Variants in HEATR4 observed in about 807,000 individuals in gnomAD.
HEATR4 encodes the protein HEAT repeat-containing protein 4.
In HEATR4, 95 loss-of-function variants were observed where a neutral mutation model predicts 108.8. That is an observed-to-expected ratio of 0.87 (90% CI 0.74 to 1.04). The LOEUF (loss-of-function observed/expected upper bound fraction) is 1.04, where lower values mean the gene tolerates loss of function less well. Among genes scored for constraint, HEATR4 ranks in the 50% least tolerant of loss-of-function variants. HEATR4 has a pLI of 0.00. For missense variants in HEATR4, 1,152 were observed against 1,253.8 expected, an observed-to-expected ratio of 0.92 and a Z score of 1.23; for synonymous variants, 443 against 459.4, an observed-to-expected ratio of 0.96 and a Z score of 0.46.
At chr14:73,493,175 T>C (rs1885899120) in intron 16 of HEATR4, 51 bp from the exon 17 acceptor site, 1 of 1,481,994 alleles carries the variant, frequency 6.7e-7, no homozygotes, top group Middle Eastern at 1.7e-4. Flanking sequence ...AAACCCTTGA[T>C]CCGTGATCAT....
At chr14:73,573,374 T>C in the HEATR4 span, 10 of 1,613,496 alleles carry the variant, frequency 6.2e-6, no homozygotes, top group Admixed American at 1.7e-4. Context: ...CATTTTGTTT[T>C]GTTTCTTCCC....
chr14:73,599,209 G>A, the HEATR4 span, among the ~76,000 whole-genome samples: 1 of 151,970 alleles, frequency 6.6e-6, no homozygotes, highest in Admixed American at 6.6e-5. Flanking sequence ...TTTAAATCTC[G>A]GTGGAGACTT....
the HEATR4 span, among the ~76,000 whole-genome samples, chr14:73,615,522 G>C: frequency 6.6e-6 from 1 of 151,638 alleles, no homozygotes; most frequent in South Asian, 2.1e-4. Flanking sequence ...TCTGAGGTCA[G>C]GAGTTTGAGA....
At chr14:73,588,677 G>T in the HEATR4 span, among the ~76,000 whole-genome samples, 18 of 152,266 alleles carry the variant, frequency 1.2e-4, no homozygotes, top group Admixed American at 4.6e-4. Flanking sequence ...TGTTATTAAT[G>T]GCAGAGAAGA....
At chr14:73,532,214 A>G (rs560298359) in intron 1 of HEATR4, among the ~76,000 whole-genome samples, 1 of 114,576 alleles carries the variant, frequency 8.7e-6, no homozygotes, top group Non-Finnish European at 1.9e-5. Flanking sequence ...TGACTTTTCC[A>G]TTCCCCTTTC....
the HEATR4 span, chr14:73,573,332 C>A: frequency 6.2e-7 from 1 of 1,610,140 alleles, no homozygotes; most frequent in Non-Finnish European, 8.5e-7. Context: ...TAACTTAAAC[C>A]ATCCAACTGT....
At chr14:73,506,353 G>A in intron 10 of HEATR4, 114 bp downstream of exon 10, 5 of 702,154 alleles carry the variant, frequency 7.1e-6, no homozygotes, top group South Asian at 1.7e-5. Context: ...AGTGATGTGG[G>A]AACAGAGATC....
chr14:73,518,468 G>A (rs574858832), intron 5 of HEATR4, among the ~76,000 whole-genome samples: 6 of 152,192 alleles, frequency 3.9e-5, no homozygotes, highest in Admixed American at 3.3e-4. Context: ...ACACCACTGG[G>A]CCCATCTGAA....
intron 6 of HEATR4, 90 bp downstream of exon 6, chr14:73,513,941 G>A: frequency 1.5e-6 from 2 of 1,311,678 alleles, no homozygotes; most frequent in South Asian, 2.4e-5. Context: ...ACAAAGGAGG[G>A]ATGGATTTTT....
the HEATR4 span, chr14:73,569,778 C>G: frequency 1.9e-6 from 3 of 1,606,176 alleles, no homozygotes; most frequent in Middle Eastern, 1.9e-4. Context: ...CGACCCCGGG[C>G]GGCTGCTGTG....
chr14:73,589,672 G>A, the HEATR4 span, among the ~76,000 whole-genome samples: 9 of 152,270 alleles, frequency 5.9e-5, no homozygotes, highest in East Asian at 1.9e-4. Context: ...TGTATGGCCA[G>A]GCACGGCAGG....
the HEATR4 span, among the ~76,000 whole-genome samples, chr14:73,633,447 C>T: frequency 0.24 from 36,121 of 152,120 alleles, 5,242 homozygotes; most frequent in Non-Finnish European, 0.33. Context: ...ATTATCAATC[C>T]CTACTATTTT....
At chr14:73,591,810 T>G in the HEATR4 span, 2 of 697,170 alleles carry the variant, frequency 2.9e-6, no homozygotes, top group Non-Finnish European at 4.1e-6. Context: ...TTAACCGGTC[T>G]GAAGTCCCAG....
the HEATR4 span, chr14:73,592,387 G>A: frequency 1.3e-6 from 2 of 1,551,922 alleles, no homozygotes; most frequent in African/African-American, 1.4e-5. Context: ...CGAGCGGGCC[G>A]GGTGCGCGCC....
the HEATR4 span, among the ~76,000 whole-genome samples, chr14:73,628,776 C>T: frequency 6.7e-6 from 1 of 150,244 alleles, no homozygotes; most frequent in African/African-American, 2.4e-5. Context: ...AAATTTGCCA[C>T]AGCAGTGGCT....
At chr14:73,509,593 G>A in intron 7 of HEATR4, 120 bp from the exon 8 acceptor site, 1 of 938,486 alleles carries the variant, frequency 1.1e-6, no homozygotes, top group Non-Finnish European at 1.6e-6. Flanking sequence ...TTAGTGCTAT[G>A]TAATATAATT....
chr14:73,566,472 C>T, the HEATR4 span, among the ~76,000 whole-genome samples: 7 of 152,180 alleles, frequency 4.6e-5, no homozygotes, highest in Non-Finnish European at 8.8e-5. Flanking sequence ...GTCCTAAGCC[C>T]TTTCCCGTGG....
At chr14:73,575,430 C>T in the HEATR4 span, 14 of 1,370,522 alleles carry the variant, frequency 1.0e-5, no homozygotes, top group East Asian at 3.4e-4. Flanking sequence ...TGCCATGGCT[C>T]AGGTGGATGC....
chr14:73,525,971 A>C (rs1467897891), intron 2 of HEATR4, among the ~76,000 whole-genome samples: 2 of 147,762 alleles, frequency 1.4e-5, no homozygotes, highest in South Asian at 4.3e-4. Flanking sequence ...AAAAAAAAGC[A>C]TCTTCATAAG....
Sources: gnomAD v4.1 joint callset for allele counts (sites outside exome capture counted in the v4.1 genomes callset) on GRCh38, gnomAD v4.1.1 for gene constraint, MANE v1.5 for transcripts, NCBI Gene and HGNC (gene_info 2026-07-23, HGNC 2026-07-21) for gene names.